BBS9: variants seen among roughly 807,000 people sequenced by gnomAD.
The protein encoded by BBS9 is Bardet-Biedl syndrome 9, also known as protein PTHB1.
Under a neutral mutation model 117.7 loss-of-function variants are expected in BBS9, and 89 were observed. The observed-to-expected ratio is 0.76, with a 90% CI of 0.64 to 0.90. The LOEUF (loss-of-function observed/expected upper bound fraction) is 0.90, where lower values mean the gene tolerates loss of function less well. Ranked by LOEUF, BBS9 falls within the 40% of genes least tolerant of loss-of-function variation. BBS9 has a pLI of 0.00. For synonymous variants in BBS9, 379 were observed against 370.9 expected (o/e 1.02, Z -0.25); for missense variants, 982 against 1,042.2 (o/e 0.94, Z 0.80).
intron 19 of BBS9, among the ~76,000 whole-genome samples, chr7:33,413,205 A>G (rs1405714573): frequency 6.6e-6 from 1 of 152,180 alleles, no homozygotes; most frequent in East Asian, 1.9e-4. Flanking sequence ...AGTATCTAAA[A>G]ATCCTTGCAG....
intron 7 of BBS9, among the ~76,000 whole-genome samples, chr7:33,271,084 A>G (rs1193128291): frequency 6.6e-6 from 1 of 152,190 alleles, no homozygotes; most frequent in African/African-American, 2.4e-5. Context: ...AAAATATTCA[A>G]CCAAGAATGT....
At chr7:33,146,845 C>T (rs1462376658) in intron 2 of BBS9, among the ~76,000 whole-genome samples, 2 of 151,608 alleles carry the variant, frequency 1.3e-5, no homozygotes, top group East Asian at 3.9e-4. Context: ...TAACTATAGT[C>T]TTTCTGTTTT....
intron 21 of BBS9, among the ~76,000 whole-genome samples, chr7:33,538,271 A>G (rs1223550784): frequency 1.3e-5 from 2 of 152,246 alleles, no homozygotes; most frequent in South Asian, 2.1e-4. Flanking sequence ...GGTATCTTAT[A>G]TAATCCATAT....
At chr7:33,260,119 C>A (rs1797736580) in intron 6 of BBS9, among the ~76,000 whole-genome samples, 1 of 151,932 alleles carries the variant, frequency 6.6e-6, no homozygotes, top group Non-Finnish European at 1.5e-5. Flanking sequence ...CCTGCCTCAG[C>A]CTCCCAAGTA....
Position 33,574,726 on chromosome 7 carries a change from C to CACACACAT in BBS9, c.2522-30139_2522-30138insACACACAT, listed in dbSNP as rs759591866. Among the ~76,000 whole-genome samples, 178 of 129,580 alleles carry CACACACAT rather than the reference C, an allele frequency of 1.4e-3. No homozygotes were observed. In the South Asian group the frequency reaches 0.023, roughly 16 times the overall value. The allele number at this position is 129,580 out of a possible 152,430, so 85.0% of individuals were successfully genotyped here. On this transcript the variant is annotated intron_variant, in intron 21 of 22. Coordinates refer to ENST00000242067, the MANE Select transcript of BBS9 (RefSeq NM_198428.3). ...ACACACACACACACACACACACACA[C>CACACACAT]GCGCACACACACACACTTTCACTAT...
intron 6 of BBS9, among the ~76,000 whole-genome samples, chr7:33,264,000 T>G (rs937042378): frequency 3.3e-5 from 5 of 152,100 alleles, no homozygotes; most frequent in African/African-American, 1.2e-4. Flanking sequence ...TCTTGAGCAT[T>G]GTTACTTGTC....
At chr7:33,592,690 C>A (rs1157407478) in intron 21 of BBS9, among the ~76,000 whole-genome samples, 1 of 152,050 alleles carries the variant, frequency 6.6e-6, no homozygotes, top group Admixed American at 6.6e-5. Flanking sequence ...TTCCTAATCA[C>A]CACCTAGACT....
At chr7:33,584,958 G>T (rs187709005) in intron 21 of BBS9, among the ~76,000 whole-genome samples, 153 of 151,946 alleles carry the variant, frequency 1.0e-3, no homozygotes, top group African/African-American at 3.3e-3. Flanking sequence ...TCCTCTATGA[G>T]CTCCTTTGAA....
At chr7:33,274,322 A>G (rs531562068) in intron 9 of BBS9, among the ~76,000 whole-genome samples, 38 of 152,318 alleles carry the variant, frequency 2.5e-4, no homozygotes, top group African/African-American at 7.9e-4. Context: ...ACGATATTAC[A>G]CTGTTCATTA....
rs555921208 is a variant in BBS9 at position 33,489,088 on chromosome 7, A to T, written c.2116-16375A>T. 5.6e-5 allele frequency among the ~76,000 whole-genome samples: 8 copies of T among 143,128 alleles called. No individual in the cohort carries two copies. The East Asian group carries it at 1.7e-3, about 30-fold the overall frequency. 93.9% of individuals were successfully genotyped at this position (143,128 alleles called of 152,430 possible). ...GCTCACTGCAACCTCCGCCTCCTGG[A>T]TTCAAGCAATTCTCCTGCCTCAGCC... On this transcript the variant is annotated intron_variant, in intron 19 of 22. Transcript: ENST00000242067.
At chr7:33,557,840 A>C (rs1855520851) in intron 21 of BBS9, among the ~76,000 whole-genome samples, 1 of 152,214 alleles carries the variant, frequency 6.6e-6, no homozygotes, top group South Asian at 2.1e-4. Flanking sequence ...TCTGAACCAC[A>C]GTTTCTTTTT....
chr7:33,236,999 A>G (rs1793647493), intron 5 of BBS9, among the ~76,000 whole-genome samples: 1 of 152,142 alleles, frequency 6.6e-6, no homozygotes, highest in Admixed American at 6.6e-5. Context: ...ATGTATATCT[A>G]ATGCTTTCAA....
chr7:33,492,807 AGTG>A (rs1844176659), intron 19 of BBS9, among the ~76,000 whole-genome samples: 3 of 88,178 alleles, frequency 3.4e-5, no homozygotes, highest in African/African-American at 5.0e-5. Flanking sequence ...CTAGTATAGG[AGTG>A]AGTGTGTGTG....
At chr7:33,494,819 C>T (rs1198725661) in intron 19 of BBS9, among the ~76,000 whole-genome samples, 2 of 152,168 alleles carry the variant, frequency 1.3e-5, no homozygotes, top group South Asian at 2.1e-4. Flanking sequence ...TCATGCATAA[C>T]ATATCTTCAC....
At chr7:33,140,498 C>G (rs1323942167) in intron 1 of BBS9, among the ~76,000 whole-genome samples, 1 of 152,108 alleles carries the variant, frequency 6.6e-6, no homozygotes, top group East Asian at 1.9e-4. Context: ...TGTGAGTCCT[C>G]CTAGGGAATC....
In BBS9 at chr7:33,298,264, C is replaced by T. The variant is rs911672632; in HGVS notation, c.1016+24308C>T. On this transcript the variant is annotated intron_variant, in intron 9 of 22. Transcript: ENST00000242067. ...GAAGACTCCGACCATGGCTGATTAA[C>T]TTACTCATTAGCTCTGAGACCTTGG... Among the ~76,000 whole-genome samples the T allele has an allele frequency of 2.0e-5, 3 of 152,054 alleles. No individual in the cohort carries two copies. The East Asian group carries it at 5.8e-4, about 29-fold the overall frequency.
chr7:33,165,795 G>T (rs1795588323), intron 4 of BBS9, among the ~76,000 whole-genome samples: 1 of 152,074 alleles, frequency 6.6e-6, no homozygotes, highest in Non-Finnish European at 1.5e-5. Flanking sequence ...CCTTTAGCTT[G>T]GAGAAGTTTG....
chr7:33,389,908 T>G (rs1826763723), intron 19 of BBS9, among the ~76,000 whole-genome samples: 1 of 152,066 alleles, frequency 6.6e-6, no homozygotes, highest in South Asian at 2.1e-4. Context: ...ACTCTTTTGT[T>G]ACAAAGATTA....
chr7:33,338,087 A>G (rs535054966), intron 10 of BBS9, among the ~76,000 whole-genome samples: 1 of 152,178 alleles, frequency 6.6e-6, no homozygotes, highest in East Asian at 1.9e-4. Context: ...AATAACCGCT[A>G]ATTAAGATAG....
Sources: allele counts gnomAD v4.1 joint callset (sites outside exome capture counted in the v4.1 genomes callset), GRCh38; gene constraint gnomAD v4.1.1; transcripts MANE v1.5; gene names NCBI Gene and HGNC (gene_info 2026-07-23, HGNC 2026-07-21).